PGAP4: variants seen among roughly 807,000 people sequenced by gnomAD.
PGAP4 encodes the protein post-GPI attachment to proteins GalNAc transferase 4.
In PGAP4, 12 loss-of-function variants were observed where a neutral mutation model predicts 28.2. That is an observed-to-expected ratio of 0.42 (90% confidence interval 0.27 to 0.69). PGAP4 has a LOEUF of 0.69. Ranked by LOEUF, PGAP4 falls within the 30% of genes least tolerant of loss-of-function variation. PGAP4 has a pLI of 0.22. For synonymous variants in PGAP4, 205 were observed against 211.8 expected, an observed-to-expected ratio of 0.97 and a Z score of 0.28; for missense variants, 425 against 513.5, an observed-to-expected ratio of 0.83 and a Z score of 1.67.
intron 1 of PGAP4, among the ~76,000 whole-genome samples, chr9:101,480,116 C>T (rs1287906892): frequency 1.3e-5 from 2 of 152,122 alleles, no homozygotes; most frequent in Non-Finnish European, 2.9e-5. Flanking sequence ...TAGCAATCTG[C>T]TCACGGAGTA....
upstream of PGAP4, among the ~76,000 whole-genome samples, chr9:101,491,812 GATATATATATATATATATATATAT>G (rs58209077): frequency 3.8e-5 from 4 of 106,268 alleles, 1 homozygote; most frequent in East Asian, 4.8e-4. Flanking sequence ...AATCTTAAAG[GATATATATATATATATATATATAT>G]ATATATATAT....
intron 1 of PGAP4, among the ~76,000 whole-genome samples, chr9:101,483,552 C>G (rs1181476260): frequency 1.3e-5 from 2 of 151,996 alleles, no homozygotes; most frequent in Non-Finnish European, 2.9e-5. Flanking sequence ...ACTGAAAAAC[C>G]ATTAGAAATG....
At chr9:101,495,178 T>C (rs1826728542) in intron 2 of PGAP4, among the ~76,000 whole-genome samples, 1 of 104,764 alleles carries the variant, frequency 9.5e-6, no homozygotes, top group Non-Finnish European at 1.8e-5. Flanking sequence ...ATATTATATA[T>C]ATTTTTTGTA....
intron 1 of PGAP4, among the ~76,000 whole-genome samples, chr9:101,485,668 T>C (rs1027983351): frequency 4.6e-5 from 7 of 152,186 alleles, no homozygotes; most frequent in Non-Finnish European, 5.9e-5. Flanking sequence ...ATACCATTTT[T>C]TGGTCCACGC....
intron 2 of PGAP4, among the ~76,000 whole-genome samples, chr9:101,525,397 G>A (rs1827025998): frequency 2.7e-5 from 4 of 149,398 alleles, no homozygotes; most frequent in Admixed American, 2.7e-4. Context: ...GGTTTTAAAT[G>A]TTTTTTTTTT....
At chr9:101,501,790 C>G in intron 2 of PGAP4, 1 of 517,382 alleles carries the variant, frequency 1.9e-6, no homozygotes, top group South Asian at 1.4e-5. Flanking sequence ...ATGCCAGACA[C>G]AAGAGATACA....
At chr9:101,497,014 T>C (rs1490179660) in intron 2 of PGAP4, among the ~76,000 whole-genome samples, 1 of 150,730 alleles carries the variant, frequency 6.6e-6, no homozygotes, top group African/African-American at 2.4e-5. Flanking sequence ...GTTAGTAACC[T>C]TAAATTTGAG....
chr9:101,495,256 AGT>A (rs1304657413), intron 2 of PGAP4, among the ~76,000 whole-genome samples: 16 of 760 alleles, frequency 0.021, no homozygotes, highest in Non-Finnish European at 0.045. Flanking sequence ...TATATTATAT[AGT>A]TTATATATTT....
At chr9:101,503,973 C>T (rs1367827632) in intron 2 of PGAP4, among the ~76,000 whole-genome samples, 1 of 151,902 alleles carries the variant, frequency 6.6e-6, no homozygotes, top group Non-Finnish European at 1.5e-5. Context: ...AAATGTAGTC[C>T]ATGCTAAGTA....
chr9:101,518,850 AAT>A (rs1826962243), intron 2 of PGAP4, among the ~76,000 whole-genome samples: 1 of 152,222 alleles, frequency 6.6e-6, no homozygotes, highest in African/African-American at 2.4e-5. Flanking sequence ...TGCTGGATCA[AAT>A]AGTAGTTCTA....
At chr9:101,526,274 C>T (rs548661397) in intron 2 of PGAP4, among the ~76,000 whole-genome samples, 1 of 151,890 alleles carries the variant, frequency 6.6e-6, no homozygotes, top group Non-Finnish European at 1.5e-5. Flanking sequence ...AAAGCAAGCA[C>T]AAATAAGAAA....
chr9:101,518,771 A>G (rs1315725782), intron 2 of PGAP4, among the ~76,000 whole-genome samples: 1 of 152,226 alleles, frequency 6.6e-6, no homozygotes, highest in African/African-American at 2.4e-5. Context: ...GTGCTGCTAT[A>G]AACATGCGTG....
intron 2 of PGAP4, among the ~76,000 whole-genome samples, chr9:101,499,515 G>GA (rs1252454735): frequency 3.3e-5 from 5 of 150,410 alleles, no homozygotes; most frequent in African/African-American, 9.8e-5. Flanking sequence ...GGTTTTTAAA[G>GA]AAAAAAAAAG....
intron 2 of PGAP4, among the ~76,000 whole-genome samples, chr9:101,500,235 C>T (rs1296939669): frequency 1.3e-5 from 2 of 152,062 alleles, no homozygotes; most frequent in African/African-American, 4.8e-5. Flanking sequence ...TGAAGTCAGT[C>T]CTGGTAATCC....
In PGAP4 at chr9:101,486,654, A is replaced by G. The variant is rs1408044237; in HGVS notation, c.-78+295T>C. Among the ~76,000 whole-genome samples, 1 of 151,940 alleles carries G rather than the reference A, an allele frequency of 6.6e-6. No homozygotes were observed. The highest frequency in any genetic ancestry group is 1.5e-5 in the Non-Finnish European group (1 of 67,990). On this transcript the variant is annotated intron_variant, in intron 1 of 1. Coordinates refer to ENST00000374848, the MANE Select transcript of PGAP4 (RefSeq NM_032342.3). The surrounding 1 kb of genome is among the most constrained non-coding windows in gnomAD (Gnocchi z 4.7). ...CAAGGGCCAGGGAGGCGCCCCCGAG[A>G]CACTCAACCATCCCCGCACTGATGC...
At chr9:101,515,136 T>C (rs1826932577) in intron 2 of PGAP4, among the ~76,000 whole-genome samples, 1 of 151,976 alleles carries the variant, frequency 6.6e-6, no homozygotes, top group Non-Finnish European at 1.5e-5. Context: ...CCAAAATGAG[T>C]GTTATGGATT....
chr9:101,530,150 T>C (rs574537845), intron 2 of PGAP4, among the ~76,000 whole-genome samples: 17 of 152,370 alleles, frequency 1.1e-4, no homozygotes, highest in Admixed American at 9.1e-4. Flanking sequence ...ATCTTAATTT[T>C]GTCCATTTTG....
At chr9:101,511,497 A>C (rs1826898138) in intron 2 of PGAP4, among the ~76,000 whole-genome samples, 1 of 152,194 alleles carries the variant, frequency 6.6e-6, no homozygotes, top group Admixed American at 6.5e-5. Context: ...GAATATTGTC[A>C]ATGAGTGGGA....
In PGAP4 at chr9:101,532,291, AAAG is replaced by A. The variant is rs1374661285; in HGVS notation, c.-377+383_-377+385del. The stretch of plus-strand genomic sequence containing the variant: ...TCTCGAAAAAAAGAAAAAAAAAAAA[AAAG>A]AAGAAGCCACTACTTTGCTCTAAGC... On this transcript the variant is annotated intron_variant, in intron 1 of 3. Coordinates refer to the PGAP4 transcript ENST00000374851. Among the ~76,000 whole-genome samples, 847 of 152,068 alleles carry A rather than the reference AAAG, an allele frequency of 5.6e-3. 7 individuals are homozygous for A. Among genetic ancestry groups the A allele is most frequent in the African/African-American group, 0.019 (793 of 41,458 alleles).
Sources: allele counts gnomAD v4.1 joint callset (sites outside exome capture counted in the v4.1 genomes callset), GRCh38; gene constraint gnomAD v4.1.1; non-coding constraint Gnocchi (gnomAD v3.1); transcripts MANE v1.5; gene names NCBI Gene and HGNC (gene_info 2026-07-23, HGNC 2026-07-21).